TM6SF1: variants seen among roughly 807,000 people sequenced by gnomAD.
TM6SF1 encodes transmembrane 6 superfamily member 1.
Under a neutral mutation model 47.1 loss-of-function variants are expected in TM6SF1, and 43 were observed. The ratio of observed to expected loss-of-function variants is 0.91; its 90% CI spans 0.72 to 1.18. TM6SF1 has a LOEUF of 1.18. TM6SF1 is among the 50% of genes most tolerant of loss of function. The pLI is 0.00. For missense variants in TM6SF1, 390 were observed against 449.0 expected, an observed-to-expected ratio of 0.87 and a Z score of 1.19; for synonymous variants, 177 against 166.3, an observed-to-expected ratio of 1.06 and a Z score of -0.49.
At position 83,107,948 on chromosome 15, in the gene TM6SF1, C is replaced by T; in HGVS notation, c.92+176C>T. The T allele has an allele frequency of 1.6e-6, 2 of 1,228,998 alleles. No homozygotes were observed. Among genetic ancestry groups the T allele is most frequent in the Non-Finnish European group, 2.1e-6 (2 of 965,030 alleles). 76.1% of individuals were successfully genotyped at this position (1,228,998 alleles called of 1,614,324 possible). On this transcript the variant is annotated intron_variant, in intron 1 of 9. Coordinates refer to ENST00000322019, the MANE Select transcript of TM6SF1 (RefSeq NM_023003.5). This position sits in a 1 kb window ranked among gnomAD's most constrained non-coding sequence, Gnocchi z 5.6. The stretch of plus-strand genomic sequence containing the variant: ...CTAGGGGGGCGCCCCAGGGGTCGCA[C>T]GGGCCGGGTCTTGGAGCCGGGCCCT...
chr15:83,116,044 G>A (rs1359008557), intron 3 of TM6SF1, 102 bp downstream of exon 3: 8 of 868,246 alleles, frequency 9.2e-6, no homozygotes, highest in African/African-American at 5.0e-5. Context: ...GAACAGGTAC[G>A]CTACGCAGGC....
chr15:83,121,481 G>A (rs2035238630), intron 4 of TM6SF1, among the ~76,000 whole-genome samples: 1 of 152,098 alleles, frequency 6.6e-6, no homozygotes, highest in African/African-American at 2.4e-5. Context: ...TTGGGGCTTT[G>A]GCCAAAATTC....
chr15:83,111,621 G>C, intron 1 of TM6SF1: 1 of 985,418 alleles, frequency 1.0e-6, no homozygotes, highest in Non-Finnish European at 1.2e-6. Context: ...GGCTGTGGTG[G>C]TGTGGAGGGG....
At chr15:83,129,863 C>CT (rs1047516478) in intron 9 of TM6SF1, 51 of 151,344 alleles carry the variant, frequency 3.4e-4, no homozygotes, top group South Asian at 8.4e-4. Context: ...TAAGCCTTGC[C>CT]TTTTTTTTTG....
In TM6SF1 at chr15:83,136,793, C is replaced by CACACATACAG; in HGVS notation, c.*121_*122insACACATACAG. On this transcript the variant is annotated 3_prime_UTR_variant, in exon 10 of 10. Transcript: ENST00000322019. ...ACTTAAGAATATGTACATTCTTGCTCTGCACTGTATGTGTGAGCTATATGG... is the reference window on the plus strand; with the variant it reads ...ACTTAAGAATATGTACATTCTTGCTCACACATACAGTGCACTGTATGTGTGAGCTATATGG... 8 of 843,760 alleles carry CACACATACAG rather than the reference C, an allele frequency of 9.5e-6. No homozygotes were observed. The highest frequency in any genetic ancestry group is 1.4e-5 in the Non-Finnish European group (8 of 551,762). The allele number at this position is 843,760 out of a possible 1,614,324, so 52.3% of individuals were successfully genotyped here.
intron 3 of TM6SF1, among the ~76,000 whole-genome samples, chr15:83,118,684 CTTG>C (rs1225076996): frequency 6.6e-6 from 1 of 152,108 alleles, no homozygotes; most frequent in African/African-American, 2.4e-5. Flanking sequence ...TGCACTCTTC[CTTG>C]TTGTAGAAAG....
chr15:83,113,980 C>A (rs567490463), intron 2 of TM6SF1: 2 of 152,380 alleles, frequency 1.3e-5, no homozygotes, highest in African/African-American at 4.8e-5. Context: ...TCCCAATCCA[C>A]ATATAAGAAG....
chr15:83,132,562 A>G (rs1406060807), intron 9 of TM6SF1: 1 of 138,144 alleles, frequency 7.2e-6, no homozygotes, highest in Non-Finnish European at 1.6e-5. Flanking sequence ...TAAATTTATC[A>G]TTTTTTTTTT....
At chr15:83,126,677 T>C in intron 7 of TM6SF1, 78 bp from the exon 8 acceptor site, 1 of 1,145,488 alleles carries the variant, frequency 8.7e-7, no homozygotes, top group African/African-American at 1.6e-5. Flanking sequence ...TGACTAAACC[T>C]GGCACATTTA....
In TM6SF1 at chr15:83,120,678, C is replaced by T. The variant is rs1055342351; in HGVS notation, c.398+997C>T. On this transcript the variant is annotated intron_variant, in intron 4 of 9. Transcript: ENST00000322019. ...CTCCGCCTCCCAGGTTCAAGCGATTCTCAGGCCTCAGCTGGGACTACAGGC... is the reference window on the plus strand; with the variant it reads ...CTCCGCCTCCCAGGTTCAAGCGATTTTCAGGCCTCAGCTGGGACTACAGGC... 6.7e-5 allele frequency among the ~76,000 whole-genome samples: 10 copies of T among 148,820 alleles called. No individual in the cohort carries two copies. The East Asian group carries it at 1.6e-3, about 24-fold the overall frequency.
chr15:83,108,750 C>G (rs1236080239), intron 1 of TM6SF1, among the ~76,000 whole-genome samples: 2 of 152,310 alleles, frequency 1.3e-5, no homozygotes, highest in Admixed American at 1.3e-4. Context: ...CTGCAAACCC[C>G]CTTCAGCTGG....
rs144001336 is a variant in TM6SF1 at position 83,118,846 on chromosome 15, C to A, written c.295-732C>A. Among the ~76,000 whole-genome samples the A allele has an allele frequency of 8.5e-4, 129 of 152,258 alleles. No homozygotes were observed. The East Asian group carries it at 0.023, about 27-fold the overall frequency. ...TTCTAGAAGCCACCTGGAAATGTAA[C>A]CACCTAGAAAAGGGAAATGTAGTTC... is the stretch of plus-strand genomic sequence containing the variant. On this transcript the variant is annotated intron_variant, in intron 3 of 9. Coordinates refer to ENST00000322019, the MANE Select transcript of TM6SF1 (RefSeq NM_023003.5).
chr15:83,136,460 T>G lies in TM6SF1; in HGVS notation c.922-21T>G, dbSNP rs980562251. ...GAACACGTTTCATGCTTACTCAATT[T>G]TTTTTTTTTAAATGCAACAGGCTCA... On this transcript the variant is annotated intron_variant, in intron 9 of 9. Coordinates refer to ENST00000322019, the MANE Select transcript of TM6SF1 (RefSeq NM_023003.5). 3 of 1,563,756 alleles carry G rather than the reference T, an allele frequency of 1.9e-6. No individual in the cohort carries two copies. The African/African-American group carries it at 4.2e-5, about 22-fold the overall frequency.
In TM6SF1 at chr15:83,124,882, AAACT is replaced by A. The variant is rs1280972488; in HGVS notation, c.708+110_708+113del. Reference sequence around the variant, plus strand: ...TTGTTTTTCCATCAGACTTCTTAGCAAACTAACAAACCATTCCTCCCATCAAAGC... The same window carrying A: ...TTGTTTTTCCATCAGACTTCTTAGCAAACAAACCATTCCTCCCATCAAAGC... On this transcript the variant is annotated intron_variant, in intron 7 of 9. Coordinates refer to ENST00000322019, the MANE Select transcript of TM6SF1 (RefSeq NM_023003.5). 2.1e-5 allele frequency: 20 copies of A among 963,012 alleles called. No homozygotes were observed. In the African/African-American group the frequency reaches 3.0e-4, roughly 14 times the overall value. 59.7% of individuals were successfully genotyped at this position (963,012 alleles called of 1,614,324 possible).
chr15:83,119,554 A>T, intron 3 of TM6SF1, 24 bp from the exon 4 acceptor site: 2 of 1,612,620 alleles, frequency 1.2e-6, no homozygotes, highest in Non-Finnish European at 1.7e-6. Flanking sequence ...TTTAAAGTGG[A>T]CTTCTTTTTA....
intron 4 of TM6SF1, among the ~76,000 whole-genome samples, chr15:83,120,264 A>G (rs1040959005): frequency 1.3e-5 from 2 of 152,226 alleles, no homozygotes; most frequent in East Asian, 3.9e-4. Context: ...GGAGGCACAC[A>G]TGTGAGTTCT....
chr15:83,107,829 G>A lies in TM6SF1; in HGVS notation c.92+57G>A, dbSNP rs2033801392. On this transcript the variant is annotated intron_variant, in intron 1 of 9. Transcript: ENST00000322019. The surrounding 1 kb of genome is among the most constrained non-coding windows in gnomAD (Gnocchi z 5.6). The stretch of plus-strand genomic sequence containing the variant: ...GAGGGGCGGCGGGAGTTGGCTCGCC[G>A]CGACGGGAGCCTCGCAACTTTTCCG... The A allele has an allele frequency of 1.3e-6, 2 of 1,521,408 alleles. No homozygotes were observed. Among genetic ancestry groups the A allele is most frequent in the Non-Finnish European group, 1.8e-6 (2 of 1,134,886 alleles). 94.2% of individuals were successfully genotyped at this position (1,521,408 alleles called of 1,614,324 possible). A position where few individuals can be genotyped will look rare whatever the true frequency, so the allele number is the denominator to read the frequency against.
chr15:83,128,813 T>TA (rs2035992858), intron 9 of TM6SF1: 1 of 152,122 alleles, frequency 6.6e-6, no homozygotes, highest in African/African-American at 2.4e-5. Context: ...CCTCTACATC[T>TA]AGACCACCAC....
intron 9 of TM6SF1, chr15:83,127,857 A>C: frequency 3.8e-6 from 1 of 260,810 alleles, no homozygotes; most frequent in East Asian, 1.5e-4. Context: ...CAAATTTAAG[A>C]CTTCAGAATT....
Sources: allele counts gnomAD v4.1 joint callset (sites outside exome capture counted in the v4.1 genomes callset), GRCh38; gene constraint gnomAD v4.1.1; non-coding constraint Gnocchi (gnomAD v3.1); transcripts MANE v1.5; gene names NCBI Gene and HGNC (gene_info 2026-07-23, HGNC 2026-07-21).